Variants in MUC20 observed in about 807,000 individuals in gnomAD.
MUC20 encodes the protein mucin-20.
A neutral mutation model predicts 23.8 loss-of-function variants in MUC20; 14 were observed. That is an observed-to-expected ratio of 0.59 (90% CI 0.39 to 0.92). The LOEUF is 0.92. Ranked by LOEUF, MUC20 falls within the 40% of genes least tolerant of loss-of-function variation. The probability of loss-of-function intolerance (pLI) is 0.00; values close to 1 mark genes in which losing one functional copy is unlikely to be tolerated. For missense variants in MUC20, 375 were observed against 668.8 expected, an observed-to-expected ratio of 0.56 and a Z score of 4.85; for synonymous variants, 166 against 279.3, an observed-to-expected ratio of 0.59 and a Z score of 4.04.
At chr3:195,727,700 A>G (rs1442025378) in intron 2 of MUC20, among the ~76,000 whole-genome samples, 3 of 152,292 alleles carry the variant, frequency 2.0e-5, no homozygotes, top group Non-Finnish European at 2.9e-5. Flanking sequence ...CACACCCAGT[A>G]AGCACTGGCC....
intron 2 of MUC20, among the ~76,000 whole-genome samples, chr3:195,727,376 A>G (rs1178020680): frequency 5.3e-5 from 8 of 152,258 alleles, no homozygotes. Context: ...CGTCTCAAAA[A>G]AAAAAGGTAA....
chr3:195,729,315 T>G (rs146351766), intron 2 of MUC20: 1 of 9,122 alleles, frequency 1.1e-4, no homozygotes, highest in South Asian at 2.5e-3. Flanking sequence ...CATCCTCCTC[T>G]TTTTTTTTTT....
At position 195,725,034 on chromosome 3, in the gene MUC20, G is replaced by A. The variant is rs201477247; in HGVS notation, c.431G>A (p.Cys144Tyr). 7.6e-3 allele frequency: 12,211 copies of A among 1,598,020 alleles called. 421 individuals are homozygous for A. The African/African-American group carries it at 0.15, about 20-fold the overall frequency. The change falls in exon 2 of 4, where the codon TGC (cysteine) becomes TAC (tyrosine). Residue 144 changes from cysteine (C) to tyrosine (Y), a missense_variant. Around this residue, in one of 4 missense-constraint regions of MUC20, gnomAD observed 8 missense variants for 232.8 expected, o/e 0.03. Transcript: ENST00000447234. ...DPREAIFDTL[C>Y]TDDSSEEAKT... The stretch of plus-strand genomic sequence containing the variant: ...AGGGAAGCCATCTTTGACACCCTTT[G>A]CACCGATGACAGCTCTGAAGAGGCA...
chr3:195,731,417 G>A (rs757638430), intron 3 of MUC20, among the ~76,000 whole-genome samples: 1 of 152,248 alleles, frequency 6.6e-6, no homozygotes, highest in African/African-American at 2.4e-5. Context: ...TGTTGCAGGC[G>A]AAAGAAAACC....
intron 2 of MUC20, chr3:195,729,423 T>A (rs921359830): frequency 1.9e-6 from 1 of 522,226 alleles, no homozygotes; most frequent in Non-Finnish European, 3.4e-6. Flanking sequence ...TTCAGGCGAT[T>A]CTCCTGCCTC....
chr3:195,723,584 A>G (rs1182378772), intron 1 of MUC20, among the ~76,000 whole-genome samples: 2 of 117,388 alleles, frequency 1.7e-5, no homozygotes, highest in African/African-American at 7.7e-5. Flanking sequence ...AGAAATACTC[A>G]TGCTAAAAAG....
intron 3 of MUC20, among the ~76,000 whole-genome samples, chr3:195,731,982 TTTGTTTTGTTTTGTTTTGTTTTGTTTTG>T (rs887541756): frequency 8.0e-5 from 3 of 37,300 alleles, no homozygotes; most frequent in Non-Finnish European, 1.8e-4. Context: ...TTGCTTTTGT[TTTGTTTTGTTTTGTTTTGTTTTGTTTTG>T]TTTTGTTTTC....
intron 3 of MUC20, chr3:195,729,966 A>G (rs1862): frequency 0.17 from 95,163 of 553,020 alleles, 804 homozygotes; most frequent in East Asian, 0.41. Context: ...TGTGACTCCT[A>G]GAGCCCCCAG....
intron 2 of MUC20, chr3:195,729,314 CTTT>C (rs10575022): frequency 0.036 from 6,216 of 170,680 alleles, 43 homozygotes; most frequent in African/African-American, 0.14. Flanking sequence ...TCATCCTCCT[CTTT>C]TTTTTTTTTT....
chr3:195,729,693 CG>C lies in MUC20; in HGVS notation c.2017del (p.Glu673LysfsTer12). 1 of 1,596,368 alleles carries C rather than the reference CG, an allele frequency of 6.3e-7. No homozygotes were observed. Among genetic ancestry groups the C allele is most frequent in the African/African-American group, 1.3e-5 (1 of 74,366 alleles). ...FLLLRLSVAS[P>X]EDLTDPRVAE... Reference sequence around the variant, plus strand: ...CTCCTGCGGCTGAGTGTGGCTTCCCCGGAAGACCTCACTGACCCCAGAGTGG... The same window carrying C: ...CTCCTGCGGCTGAGTGTGGCTTCCCCGAAGACCTCACTGACCCCAGAGTGG... On this transcript the variant is annotated frameshift_variant, in exon 3 of 4. Coordinates refer to ENST00000447234, the MANE Select transcript of MUC20 (RefSeq NM_001282506.2). LOFTEE classifies it low-confidence loss of function (END_TRUNC).
At chr3:195,732,787 G>A (rs887275266) in intron 3 of MUC20, among the ~76,000 whole-genome samples, 2 of 152,244 alleles carry the variant, frequency 1.3e-5, no homozygotes, top group Non-Finnish European at 2.9e-5. Flanking sequence ...CATGGGGTTG[G>A]GCATCAGTTC....
At chr3:195,722,027 CAA>C (rs10629415) in intron 1 of MUC20, 10 of 163,030 alleles carry the variant, frequency 6.1e-5, no homozygotes, top group African/African-American at 1.3e-4. Flanking sequence ...AACTATGTTT[CAA>C]AAAAAAAAAA....
chr3:195,730,799 G>A (rs1234702078), intron 3 of MUC20, among the ~76,000 whole-genome samples: 1 of 152,224 alleles, frequency 6.6e-6, no homozygotes, highest in African/African-American at 2.4e-5. Context: ...CCGCAGAGAT[G>A]TATACTCTAG....
At position 195,733,548 on chromosome 3, in the gene MUC20, C is replaced by T. The variant is rs1713618048; in HGVS notation, c.*330C>T. The T allele has an allele frequency of 3.1e-6, 4 of 1,293,854 alleles. No homozygotes were observed. Among genetic ancestry groups the T allele is most frequent in the Non-Finnish European group, 3.9e-6 (4 of 1,022,418 alleles). 80.1% of individuals were successfully genotyped at this position (1,293,854 alleles called of 1,614,324 possible). On this transcript the variant is annotated 3_prime_UTR_variant, in exon 4 of 4. Transcript: ENST00000447234. ...CTGCATTAAAATTCACTCAGTGTGG[C>T]CCAGAGGCTGTCTATTGATCTGCAT...
At position 195,726,329 on chromosome 3, in the gene MUC20, C is replaced by G. The variant is rs371697936; in HGVS notation, c.1726C>G (p.Pro576Ala). 2 of 1,613,910 alleles carry G rather than the reference C, an allele frequency of 1.2e-6. No homozygotes were observed. Among genetic ancestry groups the G allele is most frequent in the African/African-American group, 1.3e-5 (1 of 74,936 alleles). Reference sequence around the variant, plus strand: ...TGGGAGCTCTGCTTCCTCCTACAGCCCCTCGGAAGCCGCCCTCAAGAACTT... The same window carrying G: ...TGGGAGCTCTGCTTCCTCCTACAGCGCCTCGGAAGCCGCCCTCAAGAACTT... ...FAGSSASSYS[P>A]SEAALKNFTP... The change falls in exon 2 of 4, where the codon CCC becomes GCC. Residue 576 changes from proline (P) to alanine (A), a missense_variant. Pro to Ala is a conservative substitution (Grantham distance 27). Coordinates refer to ENST00000447234, the MANE Select transcript of MUC20 (RefSeq NM_001282506.2).
intron 1 of MUC20, among the ~76,000 whole-genome samples, chr3:195,721,374 T>A (rs1712080323): frequency 6.6e-6 from 1 of 151,960 alleles, no homozygotes; most frequent in Admixed American, 6.6e-5. Flanking sequence ...GCTGCCATCG[T>A]AAGGGATGGC....
rs1713140267 is a variant in MUC20, at chr3:195,729,558, C to T, written c.1970-90C>T. On this transcript the variant is annotated intron_variant, in intron 2 of 3. Coordinates refer to ENST00000447234, the MANE Select transcript of MUC20 (RefSeq NM_001282506.2). ...CTCAAACTCCCGATCTCAGGTGATC[C>T]ACCTGCCTCTGCCTCCCAAAGTGCT... 5 of 1,235,130 alleles carry T rather than the reference C, an allele frequency of 4.0e-6. No homozygotes were observed. The East Asian group carries it at 1.3e-4, about 31-fold the overall frequency. 76.5% of individuals were successfully genotyped at this position (1,235,130 alleles called of 1,614,324 possible).
intron 2 of MUC20, among the ~76,000 whole-genome samples, chr3:195,727,584 C>T (rs1712831085): frequency 6.6e-6 from 1 of 152,286 alleles, no homozygotes; most frequent in Non-Finnish European, 1.5e-5. Context: ...TTGTTACCAC[C>T]TTTCTGGGGG....
Position 195,724,374 on chromosome 3 carries a change from G to A in MUC20, c.77-306G>A, listed in dbSNP as rs1712409905. ...TCTTGGCTCACCCTGGAAGGTGGAC[G>A]CTGGCCCCACACATCCCCTCTTAAA... On this transcript the variant is annotated intron_variant, in intron 1 of 3. Transcript: ENST00000447234. 2.6e-5 allele frequency: 10 copies of A among 386,204 alleles called. 4 individuals are homozygous for A. In the South Asian group the frequency reaches 3.1e-4, roughly 12 times the overall value. 23.9% of individuals were successfully genotyped at this position (386,204 alleles called of 1,614,324 possible).
Sources: allele counts gnomAD v4.1 joint callset (sites outside exome capture counted in the v4.1 genomes callset), GRCh38; gene constraint gnomAD v4.1.1; regional missense constraint gnomAD v4.1.1; transcripts MANE v1.5; gene names NCBI Gene and HGNC (gene_info 2026-07-23, HGNC 2026-07-21).